The following SETD5 variants were observed in gnomAD, a reference collection of about 807,000 sequenced individuals.
SETD5 encodes the protein SET domain containing 5.
Under a neutral mutation model 153.3 loss-of-function variants are expected in SETD5, and 44 were observed. The ratio of observed to expected loss-of-function variants is 0.29; its 90% CI spans 0.23 to 0.37. The LOEUF is 0.37. Among genes scored for constraint, SETD5 ranks in the 10% least tolerant of loss-of-function variants. The pLI is 1.00. For missense variants in SETD5, 1,544 were observed against 1,768.0 expected (o/e 0.87, Z 2.27); for synonymous variants, 716 against 645.2 (o/e 1.11, Z -1.66).
intron 17 of SETD5, among the ~76,000 whole-genome samples, chr3:9,454,503 C>G (rs2042981404): frequency 6.6e-6 from 1 of 151,672 alleles, no homozygotes; most frequent in Non-Finnish European, 1.5e-5. Context: ...CCTGTAATCC[C>G]TCCCTAAACA....
intron 1 of SETD5, among the ~76,000 whole-genome samples, chr3:9,402,062 G>A (rs2034866797): frequency 6.6e-6 from 1 of 152,302 alleles, no homozygotes; most frequent in African/African-American, 2.4e-5. Context: ...TTTATCTTGT[G>A]GGTGGGATTC....
At chr3:9,440,777 C>T in intron 8 of SETD5, 79 bp downstream of exon 8, 2 of 1,480,234 alleles carry the variant, frequency 1.4e-6, no homozygotes, top group African/African-American at 1.4e-5. Flanking sequence ...ATTGGAATTA[C>T]TGTTCCTTCC....
At chr3:9,446,554 G>A (rs921150132) in intron 13 of SETD5, among the ~76,000 whole-genome samples, 5 of 151,134 alleles carry the variant, frequency 3.3e-5, no homozygotes, top group Non-Finnish European at 7.4e-5. Flanking sequence ...GTGCAGTGGC[G>A]CAATCTCAAC....
At chr3:9,467,273 A>G (rs1042646615) in intron 18 of SETD5, among the ~76,000 whole-genome samples, 11 of 151,990 alleles carry the variant, frequency 7.2e-5, no homozygotes, top group Admixed American at 7.2e-4. Flanking sequence ...GAAGGAAAAA[A>G]GCATTCAGGA....
chr3:9,456,133 C>G (rs145439412), intron 17 of SETD5, among the ~76,000 whole-genome samples: 1 of 152,028 alleles, frequency 6.6e-6, no homozygotes, highest in Non-Finnish European at 1.5e-5. Flanking sequence ...TCAAACAGAC[C>G]TTTACTTGAA....
intron 1 of SETD5, chr3:9,398,204 A>G (rs76376518): frequency 0.045 from 6,471 of 143,204 alleles, 246 homozygotes; most frequent in Admixed American, 0.12. Flanking sequence ...TAGGCGACCC[A>G]ACTCCCCCTT....
At chr3:9,449,843 C>T (rs1382079734) in intron 16 of SETD5, among the ~76,000 whole-genome samples, 4 of 152,164 alleles carry the variant, frequency 2.6e-5, no homozygotes, top group South Asian at 2.1e-4. Context: ...TTCGGGGAAA[C>T]GCTCGTAGAA....
At chr3:9,416,651 A>T (rs2037517283) in intron 1 of SETD5, among the ~76,000 whole-genome samples, 1 of 152,206 alleles carries the variant, frequency 6.6e-6, no homozygotes, top group African/African-American at 2.4e-5. Context: ...AACTTTTGCT[A>T]AAGAATTATG....
rs2039628789 is a variant in SETD5, at chr3:9,428,846, T to G, written c.-93T>G. The G allele has an allele frequency of 1.3e-6, 1 of 744,058 alleles. No homozygotes were observed. The highest frequency in any genetic ancestry group is 1.9e-5 in the South Asian group (1 of 51,764). 46.1% of individuals were successfully genotyped at this position (744,058 alleles called of 1,614,324 possible). ...AGGATTCCTCATGTCCATAACATGT[T>G]GGATGAGGCTCTGCAGCTCACCCCC... On this transcript the variant is annotated 5_prime_UTR_variant, in exon 3 of 23. Coordinates refer to ENST00000402198, the MANE Select transcript of SETD5 (RefSeq NM_001080517.3).
Position 9,476,039 on chromosome 3 carries a change from G to T in SETD5, c.4277G>T (p.Arg1426Leu). 1 of 1,613,678 alleles carries T rather than the reference G, an allele frequency of 6.2e-7. No homozygotes were observed. The highest frequency in any genetic ancestry group is 1.1e-5 in the South Asian group (1 of 91,056). Residue 1426 changes from arginine to leucine, a missense_variant, in exon 23 of 23, where the codon CGA (arginine) becomes CTA (leucine). Arg to Leu is a moderately radical substitution (Grantham distance 102, BLOSUM62 -2). Around this residue, in one of 9 missense-constraint regions of SETD5, gnomAD observed 302 missense variants for 277.6 expected, o/e 1.09. Coordinates refer to ENST00000402198, the MANE Select transcript of SETD5 (RefSeq NM_001080517.3). Reference sequence around the variant, plus strand: ...GGGAGTGGGGGTGTGCACCAGTACCGACTCCAGCCACTGCAAGGGTCAGGA... The same window carrying T: ...GGGAGTGGGGGTGTGCACCAGTACCTACTCCAGCCACTGCAAGGGTCAGGA... ...HRGSGGVHQY[R>L]LQPLQGSGVK...
intron 15 of SETD5, 97 bp downstream of exon 15, chr3:9,448,103 A>G: frequency 7.7e-7 from 1 of 1,293,584 alleles, no homozygotes; most frequent in Non-Finnish European, 1.0e-6. Flanking sequence ...TAATCTCAAT[A>G]TTACTAGATT....
chr3:9,398,529 A>AC (rs1195351893), intron 1 of SETD5: 1 of 151,820 alleles, frequency 6.6e-6, no homozygotes, highest in Non-Finnish European at 1.5e-5. Flanking sequence ...TACCTTCGCC[A>AC]CCCCCACCAC....
rs763536724 is a variant in SETD5, at chr3:9,433,605, G to T, written c.72-240G>T. The T allele has an allele frequency of 5.2e-5, 63 of 1,214,822 alleles. No individual in the cohort carries two copies. In the Middle Eastern group the frequency reaches 1.2e-3, roughly 22 times the overall value. The allele number at this position is 1,214,822 out of a possible 1,614,324, so 75.3% of individuals were successfully genotyped here. ...ATTAGGGACACCTTGTATCTCAGGT[G>T]CCTGCCTTCAGACATCTGCCTGTAC... On this transcript the variant is annotated intron_variant, in intron 3 of 22. Transcript: ENST00000402198.
At chr3:9,412,961 CAA>C (rs1032224926) in intron 1 of SETD5, among the ~76,000 whole-genome samples, 3 of 151,948 alleles carry the variant, frequency 2.0e-5, no homozygotes, top group Non-Finnish European at 4.4e-5. Flanking sequence ...CTCCTGGCCT[CAA>C]GAGATTCTCA....
intron 2 of SETD5, among the ~76,000 whole-genome samples, chr3:9,425,051 G>GTTTTTTTTT (rs1559380190): frequency 9.8e-5 from 9 of 91,412 alleles, no homozygotes; most frequent in Middle Eastern, 5.7e-3. Flanking sequence ...TACCGACAAT[G>GTTTTTTTTT]TTTCTTTTTT....
At chr3:9,431,078 T>C in intron 3 of SETD5, 1 of 985,468 alleles carries the variant, frequency 1.0e-6, no homozygotes, top group Non-Finnish European at 1.2e-6. Context: ...AAACCTGGTA[T>C]TAAGTGCAGC....
In SETD5 at chr3:9,447,255, C is replaced by T. The variant is rs752940792; in HGVS notation, c.1730C>T (p.Pro577Leu). 6.2e-7 allele frequency: 1 copy of T among 1,614,042 alleles called. No homozygotes were observed. The highest frequency in any genetic ancestry group is 1.1e-5 in the South Asian group (1 of 91,090). Residue 577 changes from proline to leucine, a missense_variant, in exon 14 of 23, where the codon CCA becomes CTA. Around this residue, in one of 9 missense-constraint regions of SETD5, gnomAD observed 782 missense variants for 787.2 expected, o/e 0.99. Transcript: ENST00000402198. ...VSNSVSNVTI[P>L]STPQSVGVNT... ...AACTCTGTTTCAAATGTTACCATCC[C>T]AAGCACCCCACAGAGTGTTGGTGTG...
intron 3 of SETD5, chr3:9,432,166 AC>A (rs771088212): frequency 3.0e-6 from 1 of 332,862 alleles, no homozygotes; most frequent in Non-Finnish European, 4.3e-6. Flanking sequence ...TTCTTGATGT[AC>A]CCCTCCCCCG....
chr3:9,472,475 G>A (rs986491131), intron 19 of SETD5, among the ~76,000 whole-genome samples: 6 of 152,164 alleles, frequency 3.9e-5, no homozygotes, highest in African/African-American at 1.4e-4. Flanking sequence ...TTAGGGAGAT[G>A]AAGGGGAAGT....
Sources: allele counts gnomAD v4.1 joint callset (sites outside exome capture counted in the v4.1 genomes callset), GRCh38; gene constraint gnomAD v4.1.1; regional missense constraint gnomAD v4.1.1; transcripts MANE v1.5; gene names NCBI Gene and HGNC (gene_info 2026-07-23, HGNC 2026-07-21).